MID1: variants seen among roughly 807,000 people sequenced by gnomAD.
MID1 encodes the protein midline 1, also known as E3 ubiquitin-protein ligase Midline-1.
In MID1, 7 loss-of-function variants were observed where a neutral mutation model predicts 40.4. That is an observed-to-expected ratio of 0.17 (90% CI 0.10 to 0.33). The LOEUF (loss-of-function observed/expected upper bound fraction) is 0.33, where lower values mean the gene tolerates loss of function less well. MID1 is among the 10% of genes least tolerant of loss of function. The pLI is 1.00. For synonymous variants in MID1, 229 were observed against 221.2 expected (o/e 1.04, Z -0.31); for missense variants, 367 against 558.5 (o/e 0.66, Z 3.46).
intron 1 of MID1, among the ~76,000 whole-genome samples, chrX:10,748,263 C>T (rs752245656): frequency 1.8e-5 from 2 of 111,598 alleles, no homozygotes; most frequent in African/African-American, 6.5e-5. Context: ...TCAGCAGCAG[C>T]AGGGCTAGGT....
At chrX:10,641,882 A>T (rs766611759) in intron 1 of MID1, among the ~76,000 whole-genome samples, 77 of 112,077 alleles carry the variant, frequency 6.9e-4, no homozygotes, top group South Asian at 1.9e-3. Flanking sequence ...CAGTAAACGT[A>T]ATCCATCATA....
intron 1 of MID1, among the ~76,000 whole-genome samples, chrX:10,819,726 T>A (rs978118608): frequency 8.9e-5 from 10 of 112,002 alleles, no homozygotes. Flanking sequence ...CAAACTATCA[T>A]CTTCCAATAT....
intron 3 of MID1, among the ~76,000 whole-genome samples, chrX:10,502,300 C>T (rs1392181709): frequency 8.9e-6 from 1 of 112,300 alleles, no homozygotes; most frequent in Non-Finnish European, 1.9e-5. Flanking sequence ...ATAAGTTAGC[C>T]ATCCATAGAC....
At chrX:10,674,326 C>A (rs1415167108) in intron 1 of MID1, among the ~76,000 whole-genome samples, 1 of 112,281 alleles carries the variant, frequency 8.9e-6, no homozygotes, top group Non-Finnish European at 1.9e-5. Flanking sequence ...GTTGCTGAAA[C>A]CACATTCGCA....
chrX:10,654,399 G>A (rs1453816176), intron 1 of MID1, among the ~76,000 whole-genome samples: 3 of 111,713 alleles, frequency 2.7e-5, no homozygotes, highest in Admixed American at 9.5e-5. Context: ...GCCAGGGACC[G>A]GTTTCATGGA....
intron 1 of MID1, among the ~76,000 whole-genome samples, chrX:10,751,781 G>A (rs937062375): frequency 8.9e-6 from 1 of 112,035 alleles, no homozygotes; most frequent in Non-Finnish European, 1.9e-5. Context: ...CCACTGATAT[G>A]GTTTAGATAT....
At chrX:10,586,658 C>T (rs918696698) in intron 1 of MID1, among the ~76,000 whole-genome samples, 2 of 112,370 alleles carry the variant, frequency 1.8e-5, no homozygotes, top group Non-Finnish European at 3.8e-5. Flanking sequence ...AAAGTCACCA[C>T]AGCATGGGGG....
chrX:10,588,185 TAAAAATCCA>T lies in MID1; in HGVS notation c.-56-20591_-56-20583del. 2.7e-5 allele frequency among the ~76,000 whole-genome samples: 3 copies of T among 112,765 alleles called. 1 individual carries two copies. Among genetic ancestry groups the T allele is most frequent in the Non-Finnish European group, 5.6e-5 (3 of 53,385 alleles). The stretch of plus-strand genomic sequence containing the variant: ...AATTTTTTTAACCTTTTAATGTAGG[TAAAAATCCA>T]CATTCTTATGCCTCCTTATAATCCT... On this transcript the variant is annotated intron_variant, in intron 1 of 9. Transcript: ENST00000317552.
chrX:10,732,396 G>A (rs1457680775), intron 1 of MID1, among the ~76,000 whole-genome samples: 1 of 112,045 alleles, frequency 8.9e-6, no homozygotes, highest in Non-Finnish European at 1.9e-5. Flanking sequence ...TATTATTGTA[G>A]CAGCATGAAA....
chrX:10,518,916 TATCTG>T (rs1932581378), intron 3 of MID1, among the ~76,000 whole-genome samples: 1 of 112,187 alleles, frequency 8.9e-6, no homozygotes, highest in Non-Finnish European at 1.9e-5. Context: ...ACTAAAATCA[TATCTG>T]ATCTATTAAA....
chrX:10,645,274 G>T (rs982691051), intron 1 of MID1, among the ~76,000 whole-genome samples: 1 of 112,117 alleles, frequency 8.9e-6, no homozygotes, highest in Non-Finnish European at 1.9e-5. Flanking sequence ...CTCAAATCAG[G>T]TAGCCTCCTG....
chrX:10,527,835 G>A (rs939575872), intron 2 of MID1, among the ~76,000 whole-genome samples: 10 of 111,334 alleles, frequency 9.0e-5, no homozygotes, highest in African/African-American at 2.9e-4. Flanking sequence ...GCAACAACCT[G>A]CTCATTAACC....
rs1338268932 is a variant in MID1, at chrX:10,454,925, C to T, written c.1600G>A (p.Val534Met). 8.3e-7 allele frequency: 1 copy of T among 1,211,612 alleles called. No homozygotes were observed. The highest frequency in any genetic ancestry group is 1.1e-6 in the Non-Finnish European group (1 of 895,381). Residue 534 changes from valine (V) to methionine (M), a missense_variant, in exon 9 of 10, where the codon GTG becomes ATG. Coordinates refer to ENST00000317552, the MANE Select transcript of MID1 (RefSeq NM_000381.4). Reference sequence around the variant, plus strand: ...TAATGCCGGCCACTATCAATAAACACATTTCCAGCTACTCCATAGCTCCCC... The same window carrying T: ...TAATGCCGGCCACTATCAATAAACATATTTCCAGCTACTCCATAGCTCCCC... ...SQGSYGVAGN[V>M]FIDSGRHYWE...
intron 2 of MID1, among the ~76,000 whole-genome samples, chrX:10,537,116 C>G (rs1198080448): frequency 9.0e-6 from 1 of 111,203 alleles, no homozygotes; most frequent in East Asian, 2.8e-4. Context: ...AACGTGCCCT[C>G]TCTCACACGC....
chrX:10,489,008 G>C (rs1291319868), intron 4 of MID1, among the ~76,000 whole-genome samples: 1 of 110,908 alleles, frequency 9.0e-6, no homozygotes, highest in Non-Finnish European at 1.9e-5. Flanking sequence ...TGTCGCTCTA[G>C]AGAACCCTAA....
At chrX:10,651,479 C>T in intron 1 of MID1, among the ~76,000 whole-genome samples, 2 of 112,480 alleles carry the variant, frequency 1.8e-5, no homozygotes, top group Admixed American at 1.9e-4. Context: ...CTTTGGGTCA[C>T]ATTGACCAAG....
At chrX:10,588,383 G>A (rs771626962) in intron 1 of MID1, among the ~76,000 whole-genome samples, 34 of 111,233 alleles carry the variant, frequency 3.1e-4, no homozygotes, top group Admixed American at 2.9e-3. Context: ...GCCATTCGCG[G>A]GTTACTGGGT....
chrX:10,699,817 G>A (rs1305916884), intron 1 of MID1, among the ~76,000 whole-genome samples: 1 of 110,501 alleles, frequency 9.0e-6, no homozygotes, highest in Non-Finnish European at 1.9e-5. Context: ...AAAGTGGCTA[G>A]CTCAATACTT....
intron 1 of MID1, among the ~76,000 whole-genome samples, chrX:10,802,610 A>T (rs985900395): frequency 8.9e-6 from 1 of 112,173 alleles, no homozygotes; most frequent in African/African-American, 3.2e-5. Context: ...TGTGGAAAGC[A>T]GTTTAGAGAT....
Sources: allele counts gnomAD v4.1 joint callset (sites outside exome capture counted in the v4.1 genomes callset), GRCh38; gene constraint gnomAD v4.1.1; transcripts MANE v1.5; gene names NCBI Gene and HGNC (gene_info 2026-07-23, HGNC 2026-07-21).